The following NUMB variants were observed in gnomAD, a reference collection of about 807,000 sequenced individuals.
NUMB encodes protein numb homolog.
In NUMB, 29 loss-of-function variants were observed where a neutral mutation model predicts 59.7. The observed-to-expected ratio is 0.49, with a 90% CI of 0.36 to 0.66. The LOEUF (loss-of-function observed/expected upper bound fraction) is 0.66, where lower values mean the gene tolerates loss of function less well. Ranked by LOEUF, NUMB falls within the 30% of genes least tolerant of loss-of-function variation. NUMB has a pLI of 0.00. For synonymous variants in NUMB, 288 were observed against 288.2 expected, an observed-to-expected ratio of 1.00 and a Z score of 0.01; for missense variants, 723 against 822.0, an observed-to-expected ratio of 0.88 and a Z score of 1.47.
chr14:73,410,713 C>G (rs1896859071), intron 1 of NUMB, among the ~76,000 whole-genome samples: 6 of 152,140 alleles, frequency 3.9e-5, no homozygotes, highest in Admixed American at 3.9e-4. Context: ...AAATAAAGAG[C>G]TGTAATTCTA....
At chr14:73,320,912 A>G (rs1205631746) in intron 5 of NUMB, among the ~76,000 whole-genome samples, 2 of 151,804 alleles carry the variant, frequency 1.3e-5, no homozygotes, top group Non-Finnish European at 2.9e-5. Flanking sequence ...CTACTGAAAC[A>G]TTAGTTTTAA....
intron 12 of NUMB, among the ~76,000 whole-genome samples, chr14:73,278,045 C>CAAA (rs57146032): frequency 0.16 from 11,059 of 67,822 alleles, 1,602 homozygotes; most frequent in Non-Finnish European, 0.21. Flanking sequence ...GACTCCGTCT[C>CAAA]AAAAAAAAAA....
At chr14:73,389,929 C>T (rs1234991494) in intron 2 of NUMB, among the ~76,000 whole-genome samples, 1 of 152,010 alleles carries the variant, frequency 6.6e-6, no homozygotes, top group African/African-American at 2.4e-5. Flanking sequence ...GTTTAATCTA[C>T]ATTTTATATA....
chr14:73,439,076 C>T (rs1882833363), intron 1 of NUMB, among the ~76,000 whole-genome samples: 1 of 152,120 alleles, frequency 6.6e-6, no homozygotes, highest in Non-Finnish European at 1.5e-5. Context: ...ATATACCAAC[C>T]ATGTTTAATC....
Position 73,287,093 on chromosome 14 carries a change from T to G in NUMB, c.655+17A>C. ...AAAACTGCATTCCATAAATACACAC[T>G]GTAGAACAGATTGTACCTTTCTTGG... On this transcript the variant is annotated intron_variant, in intron 9 of 12. Transcript: ENST00000555238. 1 of 1,611,262 alleles carries G rather than the reference T, an allele frequency of 6.2e-7. No homozygotes were observed. The highest frequency in any genetic ancestry group is 8.5e-7 in the Non-Finnish European group (1 of 1,177,438).
intron 1 of NUMB, among the ~76,000 whole-genome samples, chr14:73,441,632 T>C (rs1883076963): frequency 6.6e-6 from 1 of 152,038 alleles, no homozygotes; most frequent in South Asian, 2.1e-4. Flanking sequence ...ATCCCAACAC[T>C]TTGGGAGGCG....
intron 7 of NUMB, among the ~76,000 whole-genome samples, chr14:73,295,042 A>G (rs897059421): frequency 7.8e-6 from 1 of 127,454 alleles, no homozygotes; most frequent in African/African-American, 3.0e-5. Context: ...CCTGGGTGAC[A>G]GTATAAGGCA....
chr14:73,370,639 C>G (rs184631285), intron 2 of NUMB, among the ~76,000 whole-genome samples: 5 of 152,120 alleles, frequency 3.3e-5, no homozygotes, highest in Non-Finnish European at 7.4e-5. Flanking sequence ...TTGCGATGAG[C>G]CGAGATTGTG....
chr14:73,357,892 A>C lies in NUMB; in HGVS notation c.-15-2126T>G, dbSNP rs879021021. Among the ~76,000 whole-genome samples the C allele has an allele frequency of 1.0e-3, 110 of 107,100 alleles. 1 individual carries two copies. The highest frequency in any genetic ancestry group is 2.6e-3 in the African/African-American group (97 of 37,312). The allele number at this position is 107,100 out of a possible 152,430, so 70.3% of individuals were successfully genotyped here. A position where few individuals can be genotyped will look rare whatever the true frequency, so the allele number is the denominator to read the frequency against. The stretch of plus-strand genomic sequence containing the variant: ...CCAAATTATCCTGAGGCCCCCCCCA[A>C]AAAAAAAAAAACCCACCAAAAAAAA... On this transcript the variant is annotated intron_variant, in intron 3 of 12. Transcript: ENST00000555238.
chr14:73,370,608 C>T (rs1894618369), intron 2 of NUMB, among the ~76,000 whole-genome samples: 1 of 151,994 alleles, frequency 6.6e-6, no homozygotes, highest in African/African-American at 2.4e-5. Flanking sequence ...AGGAGAATTG[C>T]TTGAACCCAG....
At chr14:73,358,370 T>C (rs1416158902) in intron 3 of NUMB, among the ~76,000 whole-genome samples, 1 of 152,178 alleles carries the variant, frequency 6.6e-6, no homozygotes, top group Non-Finnish European at 1.5e-5. Context: ...AAATGCATGG[T>C]AAACACAGTC....
intron 11 of NUMB, chr14:73,281,482 A>G (rs1434620173): frequency 6.6e-6 from 1 of 152,246 alleles, no homozygotes; most frequent in Admixed American, 6.5e-5. Flanking sequence ...AAAAGTGTGT[A>G]GTTCTTCCAG....
intron 3 of NUMB, among the ~76,000 whole-genome samples, chr14:73,357,883 C>G (rs559739754): frequency 1.3e-5 from 1 of 77,014 alleles, no homozygotes; most frequent in African/African-American, 4.2e-5. Flanking sequence ...TATCCTGAGG[C>G]CCCCCCCAAA....
intron 12 of NUMB, among the ~76,000 whole-genome samples, chr14:73,277,762 TAA>T (rs35278332): frequency 2.8e-5 from 4 of 143,980 alleles, no homozygotes; most frequent in Admixed American, 6.9e-5. Flanking sequence ...AATTCTGTCT[TAA>T]AAAAAAAAAA....
chr14:73,279,179 A>C, intron 12 of NUMB, 102 bp downstream of exon 12: 1 of 1,332,256 alleles, frequency 7.5e-7, no homozygotes. Flanking sequence ...GTTTTCCTGA[A>C]AGGATTCCTC....
intron 2 of NUMB, among the ~76,000 whole-genome samples, chr14:73,389,286 A>AT (rs1460488301): frequency 3.1e-5 from 3 of 97,922 alleles, no homozygotes; most frequent in African/African-American, 2.1e-4. Flanking sequence ...AAAAAAAAAA[A>AT]AAAAAAACAA....
At chr14:73,322,906 G>A in intron 5 of NUMB, 1 of 326,098 alleles carries the variant, frequency 3.1e-6, no homozygotes, top group Admixed American at 4.9e-5. Context: ...GCCCAGGCTG[G>A]TCTCAAACTC....
intron 5 of NUMB, among the ~76,000 whole-genome samples, chr14:73,318,632 T>A (rs1891212053): frequency 6.6e-6 from 1 of 152,246 alleles, no homozygotes; most frequent in Non-Finnish European, 1.5e-5. Flanking sequence ...ACCCTGTAGC[T>A]GATATGCCAT....
intron 4 of NUMB, among the ~76,000 whole-genome samples, chr14:73,334,949 C>CAAA (rs10700256): frequency 0.3 from 32,622 of 109,534 alleles, 4,875 homozygotes; most frequent in East Asian, 0.7. Context: ...AACTCTGTCT[C>CAAA]AAAAAAAAAA....
Sources: gnomAD v4.1 joint callset for allele counts (sites outside exome capture counted in the v4.1 genomes callset) on GRCh38, gnomAD v4.1.1 for gene constraint, MANE v1.5 for transcripts, NCBI Gene and HGNC (gene_info 2026-07-23, HGNC 2026-07-21) for gene names.